Variants in PRKAR1A observed in about 807,000 individuals in gnomAD.
PRKAR1A encodes protein kinase cAMP-dependent type I regulatory subunit alpha.
A neutral mutation model predicts 52.0 loss-of-function variants in PRKAR1A; 3 were observed. The ratio of observed to expected loss-of-function variants is 0.06; its 90% confidence interval spans 0.03 to 0.15. PRKAR1A has a LOEUF of 0.15. Ranked by LOEUF, PRKAR1A falls within the 10% of genes least tolerant of loss-of-function variation. The pLI, the probability that PRKAR1A is intolerant of heterozygous loss-of-function variation, is 1.00. For missense variants in PRKAR1A, 240 were observed against 477.4 expected, an observed-to-expected ratio of 0.50 and a Z score of 4.63; for synonymous variants, 188 against 168.4, an observed-to-expected ratio of 1.12 and a Z score of -0.90.
chr17:68,459,594 A>G, the PRKAR1A span, among the ~76,000 whole-genome samples: 9 of 152,212 alleles, frequency 5.9e-5, no homozygotes, highest in South Asian at 2.1e-4. Flanking sequence ...AGACTAGGCT[A>G]AAGTGATGAA....
the PRKAR1A span, chr17:68,436,409 C>A: frequency 6.2e-6 from 10 of 1,613,984 alleles, no homozygotes; most frequent in Non-Finnish European, 8.5e-6. Context: ...AAAGCACAAT[C>A]TCCCCTGAAG....
chr17:68,415,649 G>A, the PRKAR1A span, among the ~76,000 whole-genome samples: 4 of 152,072 alleles, frequency 2.6e-5, no homozygotes, highest in Admixed American at 6.5e-5. Context: ...TTGTGTTGCC[G>A]TCTATCTCAT....
chr17:68,473,989 CAT>C, the PRKAR1A span, among the ~76,000 whole-genome samples: 6 of 151,506 alleles, frequency 4.0e-5, no homozygotes, highest in African/African-American at 1.2e-4. Context: ...GCTTTTTAAA[CAT>C]GTGCATGTAT....
At chr17:68,508,047 C>A (rs1227584286), upstream of PRKAR1A, among the ~76,000 whole-genome samples, 2 of 148,960 alleles carry the variant, frequency 1.3e-5, no homozygotes, top group African/African-American at 2.4e-5. Flanking sequence ...TGTTTGTGGG[C>A]CTCACTCAGT....
the PRKAR1A span, among the ~76,000 whole-genome samples, chr17:68,442,929 ATG>A: frequency 2.0e-4 from 31 of 152,280 alleles, no homozygotes; most frequent in African/African-American, 7.2e-4. Flanking sequence ...AGCACAAAGA[ATG>A]TCTGCAATAG....
At chr17:68,546,260 CCACTT>C (rs1219314318) in intron 11 of PRKAR1A, among the ~76,000 whole-genome samples, 1 of 151,550 alleles carries the variant, frequency 6.6e-6, no homozygotes, top group Non-Finnish European at 1.5e-5. Flanking sequence ...TTTTCAGACT[CCACTT>C]CTAATTCTAG....
chr17:68,527,793 A>G, intron 7 of PRKAR1A, 47 bp from the exon 8 acceptor site: 1 of 1,426,948 alleles, frequency 7.0e-7, no homozygotes, highest in Non-Finnish European at 9.9e-7. Context: ...TTATGTGGTG[A>G]TAATTACACG....
At chr17:68,465,453 CTATTAT>C in the PRKAR1A span, among the ~76,000 whole-genome samples, 1 of 151,320 alleles carries the variant, frequency 6.6e-6, no homozygotes, top group African/African-American at 2.4e-5. Context: ...TCTCAGCTTT[CTATTAT>C]TATTATTATT....
At chr17:68,513,082 C>T (rs141164543) in intron 1 of PRKAR1A, 1 of 152,058 alleles carries the variant, frequency 6.6e-6, no homozygotes, top group East Asian at 1.9e-4. Flanking sequence ...TAGTCGGGCT[C>T]CTGAATTTCC....
chr17:68,531,845 T>G lies in PRKAR1A; in HGVS notation c.*1396T>G, dbSNP rs1211909162. 1 of 1,035,632 alleles carries G rather than the reference T, an allele frequency of 9.7e-7. No individual in the cohort carries two copies. Among genetic ancestry groups the G allele is most frequent in the Non-Finnish European group, 1.2e-6 (1 of 851,844 alleles). 64.2% of individuals were successfully genotyped at this position (1,035,632 alleles called of 1,614,324 possible). A position where few individuals can be genotyped will look rare whatever the true frequency, so the allele number is the denominator to read the frequency against. On this transcript the variant is annotated 3_prime_UTR_variant, in exon 11 of 11. Transcript: ENST00000589228. Reference sequence around the variant, plus strand: ...TATTTTTTTAAACAAAATTTCACAGTTCTGTAATGTAGGCACTTTTATTTT... The same window carrying G: ...TATTTTTTTAAACAAAATTTCACAGGTCTGTAATGTAGGCACTTTTATTTT...
At chr17:68,487,981 A>AAGAG in the PRKAR1A span, among the ~76,000 whole-genome samples, 129 of 152,064 alleles carry the variant, frequency 8.5e-4, no homozygotes, top group Non-Finnish European at 1.6e-3. Context: ...GTTTGTATGA[A>AAGAG]AGAGAGAGAG....
In PRKAR1A at chr17:68,530,326, T is replaced by C. The variant is rs775149522; in HGVS notation, c.1023T>C (p.Ala341=). 3 of 1,614,168 alleles carry C rather than the reference T, an allele frequency of 1.9e-6. No homozygotes were observed. Among genetic ancestry groups the C allele is most frequent in the Non-Finnish European group, 2.5e-6 (3 of 1,179,998 alleles). ...MNRPRAATVV[A]RGPLKCVKLD... ...GTCCTCGTGCTGCCACAGTTGTTGC[T>C]CGTGGCCCCTTGAAGTGCGTTAAGC... Residue 341 remains alanine (A), a synonymous_variant, in exon 11 of 11, where the codon GCT becomes GCC. Coordinates refer to ENST00000589228, the MANE Select transcript of PRKAR1A (RefSeq NM_002734.5).
At chr17:68,430,142 C>T in the PRKAR1A span, 43 of 1,613,484 alleles carry the variant, frequency 2.7e-5, no homozygotes, top group Middle Eastern at 1.7e-4. Context: ...CACTCCAGGT[C>T]GAAGGCTCTT....
the PRKAR1A span, among the ~76,000 whole-genome samples, chr17:68,469,150 T>G: frequency 9.9e-5 from 15 of 152,240 alleles, no homozygotes; most frequent in Middle Eastern, 3.4e-3. Flanking sequence ...AAAAAAGAGA[T>G]TTATCCCACA....
chr17:68,423,301 G>A, the PRKAR1A span, among the ~76,000 whole-genome samples: 1 of 152,222 alleles, frequency 6.6e-6, no homozygotes, highest in Admixed American at 6.5e-5. The surrounding 1 kb of genome is among the most constrained non-coding windows in gnomAD (Gnocchi z 4.4). Context: ...TGACTGAGAT[G>A]GGCCATATTG....
chr17:68,521,957 A>G (rs1345499241), intron 2 of PRKAR1A, among the ~76,000 whole-genome samples: 1 of 152,248 alleles, frequency 6.6e-6, no homozygotes, highest in African/African-American at 2.4e-5. Context: ...GGAATGTTTA[A>G]TAGTTTATCT....
At chr17:68,467,844 C>T in the PRKAR1A span, among the ~76,000 whole-genome samples, 113,203 of 151,750 alleles carry the variant, frequency 0.75, 42,607 homozygotes, top group Middle Eastern at 0.8. Flanking sequence ...TAGCTTCGGC[C>T]GGGGATCTCT....
the PRKAR1A span, among the ~76,000 whole-genome samples, chr17:68,438,465 G>A: frequency 6.6e-6 from 1 of 152,258 alleles, no homozygotes; most frequent in Non-Finnish European, 1.5e-5. Context: ...GTTGTCTTGT[G>A]TGCTGGGTTC....
At chr17:68,467,773 C>G in the PRKAR1A span, among the ~76,000 whole-genome samples, 1 of 152,184 alleles carries the variant, frequency 6.6e-6, no homozygotes, top group Non-Finnish European at 1.5e-5. Context: ...GCTAAAATCT[C>G]TTGATATACC....
Sources: allele counts gnomAD v4.1 joint callset (sites outside exome capture counted in the v4.1 genomes callset), GRCh38; gene constraint gnomAD v4.1.1; non-coding constraint Gnocchi (gnomAD v3.1); transcripts MANE v1.5; gene names NCBI Gene and HGNC (gene_info 2026-07-23, HGNC 2026-07-21).